The following SERPINE2 variants were observed in gnomAD, a reference collection of about 807,000 sequenced individuals.
The protein encoded by SERPINE2 is glia-derived nexin.
A neutral mutation model predicts 36.3 loss-of-function variants in SERPINE2; 14 were observed. That is an observed-to-expected ratio of 0.39 (90% confidence interval 0.25 to 0.60). The LOEUF (loss-of-function observed/expected upper bound fraction) is 0.60, where lower values mean the gene tolerates loss of function less well. Among genes scored for constraint, SERPINE2 ranks in the 20% least tolerant of loss-of-function variants. The probability of loss-of-function intolerance (pLI) is 0.57; values close to 1 mark genes in which losing one functional copy is unlikely to be tolerated. For synonymous variants in SERPINE2, 192 were observed against 191.8 expected, an observed-to-expected ratio of 1.00 and a Z score of -0.01; for missense variants, 418 against 499.6, an observed-to-expected ratio of 0.84 and a Z score of 1.56.
chr2:223,989,298 A>T (rs1690558291), intron 4 of SERPINE2, among the ~76,000 whole-genome samples: 1 of 152,090 alleles, frequency 6.6e-6, no homozygotes, highest in South Asian at 2.1e-4. Context: ...TATCTTGGGG[A>T]AAACAGTCAA....
intron 1 of SERPINE2, chr2:224,038,531 T>G: frequency 6.4e-7 from 1 of 1,551,154 alleles, no homozygotes; most frequent in Non-Finnish European, 8.7e-7. Flanking sequence ...TTTCTACAGA[T>G]GATGAAAATA....
intron 2 of SERPINE2, 60 bp downstream of exon 2, chr2:224,001,581 AC>A (rs1691163312): frequency 1.3e-6 from 2 of 1,555,928 alleles, no homozygotes; most frequent in Non-Finnish European, 1.7e-6. Context: ...CAAGCCATAA[AC>A]CCTCCTGTCA....
intron 8 of SERPINE2, among the ~76,000 whole-genome samples, chr2:223,976,185 C>T (rs948691600): frequency 1.3e-5 from 2 of 152,182 alleles, no homozygotes. Flanking sequence ...GAGTCTTGCA[C>T]TGTCACCCAG....
chr2:224,030,087 TG>T, intron 1 of SERPINE2: 1 of 985,436 alleles, frequency 1.0e-6, no homozygotes, highest in Non-Finnish European at 1.2e-6. Context: ...ACGTGTTCCC[TG>T]GAAGACCTCT....
intron 1 of SERPINE2, chr2:224,010,496 G>C (rs1691589930): frequency 3.4e-6 from 1 of 290,348 alleles, no homozygotes; most frequent in African/African-American, 2.3e-5. Flanking sequence ...GAAAAGGCTA[G>C]GGGGAAGGAG....
intron 1 of SERPINE2, among the ~76,000 whole-genome samples, chr2:224,005,098 A>T (rs75784860): frequency 0.14 from 14,689 of 108,730 alleles, 1,235 homozygotes; most frequent in Non-Finnish European, 0.16. Context: ...TATATATATA[A>T]AACATTGTAA....
chr2:224,007,278 G>A (rs7583799), intron 1 of SERPINE2, among the ~76,000 whole-genome samples: 36,085 of 152,058 alleles, frequency 0.24, 4,805 homozygotes, highest in African/African-American at 0.36. Context: ...ACACAGAAGC[G>A]TCTAATGAAG....
intron 3 of SERPINE2, among the ~76,000 whole-genome samples, chr2:223,994,520 T>C (rs554637697): frequency 5.3e-5 from 8 of 152,324 alleles, no homozygotes; most frequent in Non-Finnish European, 1.2e-4. Context: ...CTGCCTACCA[T>C]GTGCCTGGTA....
chr2:223,977,416 CAA>C (rs1690055983), intron 8 of SERPINE2, 126 bp downstream of exon 8: 3 of 680,772 alleles, frequency 4.4e-6, no homozygotes, highest in Non-Finnish European at 8.1e-6. Flanking sequence ...TTATATTATT[CAA>C]AGTGTCTGCA....
intron 6 of SERPINE2, chr2:223,982,420 C>G: frequency 3.2e-6 from 1 of 309,398 alleles, no homozygotes; most frequent in South Asian, 4.3e-5. Context: ...CAGACTTCAT[C>G]GCTATATAAA....
chr2:223,980,169 C>T, intron 7 of SERPINE2, 142 bp downstream of exon 7: 1 of 652,596 alleles, frequency 1.5e-6, no homozygotes, highest in South Asian at 1.8e-5. Context: ...TGTCTGTACT[C>T]ACTGCTGTCT....
chr2:224,013,377 T>C (rs1013546594), intron 1 of SERPINE2, among the ~76,000 whole-genome samples: 1 of 152,140 alleles, frequency 6.6e-6, no homozygotes, highest in African/African-American at 2.4e-5. Context: ...CTCCTTCAGG[T>C]GGCCTTTCTG....
intron 1 of SERPINE2, among the ~76,000 whole-genome samples, chr2:224,009,071 C>T (rs1347173711): frequency 1.3e-5 from 2 of 152,150 alleles, no homozygotes; most frequent in East Asian, 3.8e-4. Flanking sequence ...GTGACAGCAG[C>T]GAGCCTCCTG....
Position 223,982,683 on chromosome 2 carries a change from G to A in SERPINE2, c.983C>T (p.Thr328Ile). 6.3e-7 allele frequency: 1 copy of A among 1,595,184 alleles called. No individual in the cohort carries two copies. The highest frequency in any genetic ancestry group is 1.1e-5 in the South Asian group (1 of 90,220). The change falls in exon 6 of 9, where the codon ACA (threonine) becomes ATA (isoleucine). Residue 328 changes from threonine to isoleucine, a missense_variant and splice_region_variant. Coordinates refer to ENST00000409304, the MANE Select transcript of SERPINE2 (RefSeq NM_001136528.2). ...DSSKANFAKITRSENLHVSHI... is the reference protein window; with the variant it reads ...DSSKANFAKIIRSENLHVSHI... ...AATACATTTTAAATTGAACATACTT[G>A]TTATTTTTGCAAAATTTGCCTTTGA...
rs535637320 is a variant in SERPINE2 at position 223,987,257 on chromosome 2, T to A, written c.686-2307A>T. On this transcript the variant is annotated intron_variant, in intron 4 of 8. Coordinates refer to ENST00000409304, the MANE Select transcript of SERPINE2 (RefSeq NM_001136528.2). ...TAGCAAAAACTGCCGTCTTTTGATG[T>A]AAGAAGCTTTGTAAAATACCTCACT... Among the ~76,000 whole-genome samples the A allele has an allele frequency of 2.6e-5, 4 of 152,228 alleles. No homozygotes were observed. The East Asian group carries it at 7.7e-4, about 29-fold the overall frequency.
intron 1 of SERPINE2, among the ~76,000 whole-genome samples, chr2:224,009,849 G>T (rs1026721235): frequency 6.6e-6 from 1 of 152,172 alleles, no homozygotes; most frequent in African/African-American, 2.4e-5. Context: ...TTTGGCAAGA[G>T]GCATTCTAGA....
chr2:224,014,536 T>C (rs1458924163), intron 1 of SERPINE2, among the ~76,000 whole-genome samples: 2 of 152,214 alleles, frequency 1.3e-5, no homozygotes, highest in Non-Finnish European at 2.9e-5. Flanking sequence ...GATCATTGTG[T>C]GGCGCCTGGG....
chr2:224,021,676 A>G (rs181871431), intron 1 of SERPINE2, among the ~76,000 whole-genome samples: 6 of 152,234 alleles, frequency 3.9e-5, no homozygotes, highest in Non-Finnish European at 7.3e-5. Flanking sequence ...AGGATAAGAC[A>G]GTGACCCACA....
At chr2:224,019,441 T>C (rs979451686) in intron 1 of SERPINE2, among the ~76,000 whole-genome samples, 4 of 152,150 alleles carry the variant, frequency 2.6e-5, no homozygotes, top group African/African-American at 9.7e-5. Flanking sequence ...CAGAACGTGG[T>C]TGGTTCTTCC....
Sources: allele counts gnomAD v4.1 joint callset (sites outside exome capture counted in the v4.1 genomes callset), GRCh38; gene constraint gnomAD v4.1.1; transcripts MANE v1.5; gene names NCBI Gene and HGNC (gene_info 2026-07-23, HGNC 2026-07-21).